PTPRD: variants seen among roughly 807,000 people sequenced by gnomAD.
PTPRD encodes protein tyrosine phosphatase receptor type D.
In PTPRD, 34 loss-of-function variants were observed where a neutral mutation model predicts 214.5. The ratio of observed to expected loss-of-function variants is 0.16; its 90% CI spans 0.12 to 0.21. PTPRD has a LOEUF of 0.21. Among genes scored for constraint, PTPRD ranks in the 10% least tolerant of loss-of-function variants. The pLI is 1.00. For missense variants in PTPRD, 2,545 were observed against 2,398.7 expected (o/e 1.06, Z -1.27); for synonymous variants, 1,128 against 845.7 (o/e 1.33, Z -5.79).
chr9:9,951,142 G>A (rs1177292977), intron 4 of PTPRD, among the ~76,000 whole-genome samples: 1 of 152,100 alleles, frequency 6.6e-6, no homozygotes, highest in East Asian at 1.9e-4. Flanking sequence ...ATATGTATAT[G>A]TAGCCCTTTA....
At chr9:8,736,481 G>T (rs975130497) in intron 11 of PTPRD, among the ~76,000 whole-genome samples, 1 of 152,056 alleles carries the variant, frequency 6.6e-6, no homozygotes, top group South Asian at 2.1e-4. Context: ...AAATACTAGA[G>T]ATATCCAGCA....
rs2099547997 is a variant in PTPRD at position 10,217,732 on chromosome 9, T to G, written c.-545+123231A>C. 2.6e-5 allele frequency among the ~76,000 whole-genome samples: 4 copies of G among 151,934 alleles called. No individual in the cohort carries two copies. In the South Asian group the frequency reaches 8.3e-4, roughly 31 times the overall value. On this transcript the variant is annotated intron_variant, in intron 3 of 45. Transcript: ENST00000381196. ...GATGTAAGAAATTCAACTACATGTA[T>G]ATAATAATGGCCTATCATGTGCCCA...
intron 5 of PTPRD, among the ~76,000 whole-genome samples, chr9:9,806,868 C>T (rs995625897): frequency 6.6e-6 from 1 of 152,112 alleles, no homozygotes; most frequent in Non-Finnish European, 1.5e-5. Context: ...CTCTTGTGAG[C>T]ATGCATGTAA....
At chr9:8,655,640 C>G (rs887054048) in intron 12 of PTPRD, among the ~76,000 whole-genome samples, 3 of 151,994 alleles carry the variant, frequency 2.0e-5, no homozygotes, top group African/African-American at 4.8e-5. Context: ...ATTTCAATCA[C>G]CAGCAGAGCC....
chr9:8,471,753 A>T (rs74338072), intron 30 of PTPRD, among the ~76,000 whole-genome samples: 11 of 152,288 alleles, frequency 7.2e-5, no homozygotes, highest in Non-Finnish European at 1.3e-4. Flanking sequence ...AGACAAAAGT[A>T]ACTGAATACT....
chr9:8,628,260 A>C (rs1357309366), intron 14 of PTPRD, among the ~76,000 whole-genome samples: 1 of 151,880 alleles, frequency 6.6e-6, no homozygotes, highest in Non-Finnish European at 1.5e-5. Context: ...CAACATGCTA[A>C]TTCTGATCAC....
chr9:10,219,625 G>T (rs1403991547), intron 3 of PTPRD, among the ~76,000 whole-genome samples: 1 of 151,532 alleles, frequency 6.6e-6, no homozygotes, highest in Non-Finnish European at 1.5e-5. Flanking sequence ...ATTGGTTCCG[G>T]ATTTCCTATT....
chr9:8,612,008 G>A (rs1304237654), intron 14 of PTPRD, among the ~76,000 whole-genome samples: 1 of 149,172 alleles, frequency 6.7e-6, no homozygotes, highest in Non-Finnish European at 1.5e-5. Context: ...GGAGGGGAGG[G>A]AAAGAGAGCA....
chr9:9,506,191 C>T (rs932080042), intron 8 of PTPRD, among the ~76,000 whole-genome samples: 2 of 151,348 alleles, frequency 1.3e-5, no homozygotes, highest in African/African-American at 2.4e-5. Flanking sequence ...TTTAAATTCA[C>T]GCAGCAACCT....
chr9:8,622,466 G>A (rs951200966), intron 14 of PTPRD, among the ~76,000 whole-genome samples: 8 of 151,942 alleles, frequency 5.3e-5, no homozygotes, highest in East Asian at 1.9e-4. Flanking sequence ...CTGAATTACT[G>A]TGAGAGCACT....
At position 10,198,548 on chromosome 9, in the gene PTPRD, T is replaced by C. The variant is rs181779729; in HGVS notation, c.-545+142415A>G. ...GAAGGCATTAGCATTATGGGCATAA[T>C]TGGAAAAAATGAGAAGCAGGATCCA... is the stretch of plus-strand genomic sequence containing the variant. On this transcript the variant is annotated intron_variant, in intron 3 of 45. Coordinates refer to ENST00000381196, the MANE Select transcript of PTPRD (RefSeq NM_002839.4). Among the ~76,000 whole-genome samples the C allele has an allele frequency of 4.6e-5, 7 of 152,138 alleles. No individual in the cohort carries two copies. In the East Asian group the frequency reaches 9.7e-4, roughly 21 times the overall value.
intron 2 of PTPRD, among the ~76,000 whole-genome samples, chr9:10,446,062 G>A (rs16926037): frequency 0.066 from 10,005 of 151,886 alleles, 518 homozygotes; most frequent in African/African-American, 0.12. Context: ...ATTCCAGAGC[G>A]GGGAAGTACC....
intron 10 of PTPRD, among the ~76,000 whole-genome samples, chr9:9,050,275 T>A (rs973217014): frequency 2.0e-5 from 3 of 152,200 alleles, no homozygotes; most frequent in Admixed American, 6.5e-5. Flanking sequence ...AAACTAGTCA[T>A]GACACTGAAA....
At chr9:9,993,700 C>T (rs991804822) in intron 4 of PTPRD, among the ~76,000 whole-genome samples, 2 of 152,094 alleles carry the variant, frequency 1.3e-5, no homozygotes, top group African/African-American at 2.4e-5. Context: ...GATATTTACT[C>T]CTTGACTGAA....
intron 12 of PTPRD, among the ~76,000 whole-genome samples, chr9:8,667,072 C>T (rs1346594834): frequency 6.6e-6 from 1 of 152,216 alleles, no homozygotes; most frequent in Non-Finnish European, 1.5e-5. Flanking sequence ...GGCGCCATGG[C>T]TCACGCCTAT....
intron 10 of PTPRD, among the ~76,000 whole-genome samples, chr9:9,065,537 G>C (rs1569523273): frequency 6.6e-6 from 1 of 152,166 alleles, no homozygotes. Flanking sequence ...AGGCATTCAA[G>C]TGCAATGTGA....
intron 9 of PTPRD, among the ~76,000 whole-genome samples, chr9:9,381,602 C>T (rs1005929150): frequency 8.5e-5 from 13 of 152,184 alleles, no homozygotes; most frequent in African/African-American, 2.9e-4. Flanking sequence ...ACCTACCCAC[C>T]TCGGCCTCCC....
At chr9:8,597,143 C>T (rs34351846) in intron 14 of PTPRD, among the ~76,000 whole-genome samples, 15,673 of 151,954 alleles carry the variant, frequency 0.1, 882 homozygotes, top group East Asian at 0.19. Context: ...TCATTTATTC[C>T]CAAAGTGAAG....
At chr9:8,589,992 C>A (rs936615756) in intron 14 of PTPRD, among the ~76,000 whole-genome samples, 2 of 152,078 alleles carry the variant, frequency 1.3e-5, no homozygotes, top group African/African-American at 4.8e-5. Flanking sequence ...AATGACTGAA[C>A]CTCGGTAACA....
Sources: allele counts gnomAD v4.1 joint callset (sites outside exome capture counted in the v4.1 genomes callset), GRCh38; gene constraint gnomAD v4.1.1; transcripts MANE v1.5; gene names NCBI Gene and HGNC (gene_info 2026-07-23, HGNC 2026-07-21).